SLC38A6: variants seen among roughly 807,000 people sequenced by gnomAD.
SLC38A6 encodes N system amino acid transporter NAT-1.
A neutral mutation model predicts 65.0 loss-of-function variants in SLC38A6; 73 were observed. The ratio of observed to expected loss-of-function variants is 1.12; its 90% CI spans 0.93 to 1.37. SLC38A6 has a LOEUF of 1.37. Ranked by LOEUF, SLC38A6 falls within the 40% of genes most tolerant of loss-of-function variation. The probability of loss-of-function intolerance (pLI) is 0.00; values close to 1 mark genes in which losing one functional copy is unlikely to be tolerated. For synonymous variants in SLC38A6, 183 were observed against 178.8 expected (o/e 1.02, Z -0.19); for missense variants, 561 against 531.1 (o/e 1.06, Z -0.55).
intron 8 of SLC38A6, 117 bp downstream of exon 8, chr14:61,037,800 T>A (rs2139731076): frequency 1.5e-6 from 1 of 647,958 alleles, no homozygotes; most frequent in Non-Finnish European, 2.5e-6. Context: ...TATTTCACTG[T>A]GTTATTAAAA....
intron 12 of SLC38A6, among the ~76,000 whole-genome samples, chr14:61,048,728 A>C (rs1195330760): frequency 6.6e-6 from 1 of 152,180 alleles, no homozygotes; most frequent in Non-Finnish European, 1.5e-5. Flanking sequence ...ACCTAGATTA[A>C]TGATACTTGC....
intron 3 of SLC38A6, chr14:61,004,720 A>G (rs984164365): frequency 6.6e-6 from 1 of 152,340 alleles, no homozygotes; most frequent in African/African-American, 2.4e-5. Context: ...AAAAGAATCC[A>G]GGACCAGATG....
At chr14:61,004,673 T>G (rs1019525869) in intron 3 of SLC38A6, 1 of 152,136 alleles carries the variant, frequency 6.6e-6, no homozygotes, top group Non-Finnish European at 1.5e-5. Flanking sequence ...AATAACAGGC[T>G]CTGAAATTGT....
At chr14:61,022,702 A>T (rs994372510) in intron 5 of SLC38A6, among the ~76,000 whole-genome samples, 2 of 152,134 alleles carry the variant, frequency 1.3e-5, no homozygotes, top group African/African-American at 4.8e-5. Flanking sequence ...AGTATAAATT[A>T]TCTGACTTTT....
chr14:61,060,945 T>C (rs1341903974), intron 15 of SLC38A6, among the ~76,000 whole-genome samples: 5 of 150,580 alleles, frequency 3.3e-5, no homozygotes, highest in Non-Finnish European at 7.4e-5. Flanking sequence ...CCCCTTGCGC[T>C]TCCCAGGTGA....
Position 61,045,373 on chromosome 14 carries a change from T to C in SLC38A6, c.772T>C (p.Phe258Leu), listed in dbSNP as rs1355490735. ...TGCTTATGCCTTACCAACCATGGCT[T>C]TTTCATTTCTCTGCCATACCTCAAT... ...ESAYALPTMA[F>L]SFLCHTSILP... is the part of the protein sequence containing the mutation. Residue 258 changes from phenylalanine to leucine, a missense_variant, in exon 11 of 16, where the codon TTT (phenylalanine) becomes CTT (leucine). Phe to Leu is a conservative substitution (Grantham distance 22). Coordinates refer to ENST00000267488, the MANE Select transcript of SLC38A6 (RefSeq NM_153811.3). 1 of 1,613,784 alleles carries C rather than the reference T, an allele frequency of 6.2e-7. No homozygotes were observed.
At chr14:61,039,408 T>TC (rs1042625517) in intron 8 of SLC38A6, among the ~76,000 whole-genome samples, 2 of 152,108 alleles carry the variant, frequency 1.3e-5, no homozygotes, top group African/African-American at 4.8e-5. Context: ...TTTTGCTCTG[T>TC]CACCCAGGGT....
chr14:61,054,300 G>A (rs1297362683), downstream of SLC38A6, among the ~76,000 whole-genome samples: 1 of 152,122 alleles, frequency 6.6e-6, no homozygotes, highest in Non-Finnish European at 1.5e-5. Context: ...TTTGAAGTGG[G>A]TTCATGTGAT....
intron 15 of SLC38A6, among the ~76,000 whole-genome samples, chr14:61,071,107 C>T (rs2043212332): frequency 6.6e-6 from 1 of 152,126 alleles, no homozygotes; most frequent in South Asian, 2.1e-4. Flanking sequence ...TATCAGTATA[C>T]ACAAAACTCC....
intron 5 of SLC38A6, among the ~76,000 whole-genome samples, chr14:61,029,816 A>T (rs1183264574): frequency 6.6e-6 from 1 of 152,222 alleles, no homozygotes; most frequent in Non-Finnish European, 1.5e-5. Flanking sequence ...TTTTTAATAT[A>T]TTTAATGGTT....
At position 60,993,092 on chromosome 14, in the gene SLC38A6, C is replaced by T. The variant is rs145488400; in HGVS notation, c.310+8289C>T. Among the ~76,000 whole-genome samples the T allele has an allele frequency of 3.5e-3, 526 of 152,258 alleles. 10 individuals are homozygous for T. Among genetic ancestry groups the T allele is most frequent in the Admixed American group, 0.015 (233 of 15,294 alleles). The stretch of plus-strand genomic sequence containing the variant: ...AGAACTCCTGACTTCAGGTGATCTG[C>T]CCACCTCGGCCTCCCAAACGGTTGG... On this transcript the variant is annotated intron_variant, in intron 3 of 15. Transcript: ENST00000267488.
intron 8 of SLC38A6, among the ~76,000 whole-genome samples, chr14:61,040,460 C>T (rs2041727370): frequency 1.3e-5 from 2 of 151,556 alleles, no homozygotes; most frequent in Non-Finnish European, 2.9e-5. Flanking sequence ...TTGCCTCAGC[C>T]TCACGAGTAG....
chr14:60,982,550 T>G lies in SLC38A6; in HGVS notation c.148T>G (p.Ser50Ala). The G allele has an allele frequency of 6.2e-7, 1 of 1,614,048 alleles. No homozygotes were observed. Among genetic ancestry groups the G allele is most frequent in the South Asian group, 1.1e-5 (1 of 91,040 alleles). Residue 50 changes from serine to alanine, a missense_variant, in exon 2 of 16, where the codon TCA becomes GCA. Transcript: ENST00000267488. The part of the protein sequence containing the change: ...QRSPGVSFGL[S>A]VFNLMNAIMG... Reference sequence around the variant, plus strand: ...ATCCCCAGGTGTTTCATTTGGTTTATCAGTGTTTAATTTGATGAATGCCAT... The same window carrying G: ...ATCCCCAGGTGTTTCATTTGGTTTAGCAGTGTTTAATTTGATGAATGCCAT...
chr14:61,012,012 C>G (rs1306007305), intron 3 of SLC38A6, among the ~76,000 whole-genome samples: 1 of 152,146 alleles, frequency 6.6e-6, no homozygotes, highest in Non-Finnish European at 1.5e-5. Context: ...GCATCTGGTC[C>G]TGGACTTTTT....
At chr14:61,036,443 G>A (rs2139715129) in intron 6 of SLC38A6, among the ~76,000 whole-genome samples, 1 of 151,190 alleles carries the variant, frequency 6.6e-6, no homozygotes, top group South Asian at 2.1e-4. Context: ...GGGCCTGTTG[G>A]TGGGTGGGGG....
chr14:60,982,690 C>CTGTG, intron 2 of SLC38A6, 52 bp downstream of exon 2: 1 of 1,552,546 alleles, frequency 6.4e-7, no homozygotes, highest in Non-Finnish European at 8.7e-7. Context: ...TGATAATATA[C>CTGTG]GGAGAAGTAG....
intron 3 of SLC38A6, among the ~76,000 whole-genome samples, chr14:61,010,070 C>T (rs1476733290): frequency 6.6e-6 from 1 of 152,182 alleles, no homozygotes; most frequent in African/African-American, 2.4e-5. Context: ...TAATGATTGC[C>T]ATTCTAACTG....
intron 3 of SLC38A6, among the ~76,000 whole-genome samples, chr14:60,999,954 A>C (rs141923665): frequency 5.8e-4 from 89 of 152,346 alleles, no homozygotes; most frequent in East Asian, 5.2e-3. Context: ...GAAGTTTGTG[A>C]TAATTTCTTA....
chr14:61,019,584 A>G lies in SLC38A6; in HGVS notation c.403+4A>G. 6.2e-7 allele frequency: 1 copy of G among 1,613,062 alleles called. No individual in the cohort carries two copies. The highest frequency in any genetic ancestry group is 1.7e-5 in the Admixed American group (1 of 60,024). On this transcript the variant is annotated splice_donor_region_variant and intron_variant, in intron 5 of 15. Transcript: ENST00000267488. ...ATAATAATTCAGAATATTGGAGGTA[A>G]GCAATTGCAAGTGCACTGTTTATAC...
Sources: allele counts gnomAD v4.1 joint callset (sites outside exome capture counted in the v4.1 genomes callset), GRCh38; gene constraint gnomAD v4.1.1; transcripts MANE v1.5; gene names NCBI Gene and HGNC (gene_info 2026-07-23, HGNC 2026-07-21).